Variants in STOX2 observed in about 807,000 individuals in gnomAD.
STOX2 encodes the protein storkhead box 2, also known as storkhead-box protein 2.
STOX2 carries 28 observed loss-of-function variants against 60.9 expected under a neutral mutation model. The ratio of observed to expected loss-of-function variants is 0.46; its 90% confidence interval spans 0.34 to 0.63. STOX2 has a LOEUF of 0.63. Among genes scored for constraint, STOX2 ranks in the 30% least tolerant of loss-of-function variants. STOX2 has a pLI of 0.01. For synonymous variants in STOX2, 472 were observed against 463.9 expected (o/e 1.02, Z -0.22); for missense variants, 1,024 against 1,187.7 (o/e 0.86, Z 2.03).
Position 184,010,828 on chromosome 4 carries a change from G to T in STOX2, c.1990G>T (p.Gly664Cys), listed in dbSNP as rs1258881715. The change falls in exon 3 of 4, where the codon GGC (glycine) becomes TGC (cysteine). Residue 664 changes from glycine (G) to cysteine (C), a missense_variant. Around this residue, in one of 3 missense-constraint regions of STOX2, gnomAD observed 922 missense variants for 1,058.3 expected, o/e 0.87. Transcript: ENST00000308497. The surrounding 1 kb of genome is among the most constrained non-coding windows in gnomAD (Gnocchi z 4.5). Reference sequence around the variant, plus strand: ...GGAGTCACCAAAAGGGCCGGGTGGGGGCCCCGCTGCTTCGGGAGGAGTGGC... The same window carrying T: ...GGAGTCACCAAAAGGGCCGGGTGGGTGCCCCGCTGCTTCGGGAGGAGTGGC... ...KEESPKGPGGGPAASGGVAEG... is the reference protein window; with the variant it reads ...KEESPKGPGGCPAASGGVAEG... 1 of 1,591,322 alleles carries T rather than the reference G, an allele frequency of 6.3e-7. No individual in the cohort carries two copies. Among genetic ancestry groups the T allele is most frequent in the Non-Finnish European group, 8.6e-7 (1 of 1,169,004 alleles).
At chr4:183,988,801 A>G (rs976207600) in intron 1 of STOX2, 1 of 152,728 alleles carries the variant, frequency 6.5e-6, no homozygotes, top group Non-Finnish European at 1.5e-5. Flanking sequence ...GGATGGAGCC[A>G]GTCCAGAAAG....
chr4:184,008,769 G>T (rs1733991725), intron 2 of STOX2, among the ~76,000 whole-genome samples: 1 of 152,128 alleles, frequency 6.6e-6, no homozygotes, highest in Non-Finnish European at 1.5e-5. Flanking sequence ...TGCTTCTCTA[G>T]TTGCTTTTAT....
Position 183,973,937 on chromosome 4 carries a change from T to C in STOX2, c.167-27388T>C, listed in dbSNP as rs60351084. The stretch of plus-strand genomic sequence containing the variant: ...TTAACCCAGGAGGCAGAGGTTGCAG[T>C]GAGCAGAGATTGTGCCACTGCGCTC... On this transcript the variant is annotated intron_variant, in intron 1 of 3. Coordinates refer to ENST00000308497, the MANE Select transcript of STOX2 (RefSeq NM_020225.3). Among the ~76,000 whole-genome samples, 1,301 of 152,340 alleles carry C rather than the reference T, an allele frequency of 8.5e-3. 27 individuals carry two copies. Among genetic ancestry groups the C allele is most frequent in the African/African-American group, 0.03 (1,227 of 41,570 alleles).
chr4:183,905,728 C>T lies in STOX2; in HGVS notation c.-1063C>T, dbSNP rs1160236498. ...AAAATGAGAAGCCTGATGGGAACCG[C>T]GTTCTAACTTAAGGCAGCCTGGTGA... On this transcript the variant is annotated 5_prime_UTR_variant, in exon 1 of 4. Coordinates refer to ENST00000308497, the MANE Select transcript of STOX2 (RefSeq NM_020225.3). 1.3e-5 allele frequency: 2 copies of T among 152,302 alleles called. No individual in the cohort carries two copies. Among genetic ancestry groups the T allele is most frequent in the African/African-American group, 2.4e-5 (1 of 41,466 alleles). The allele number at this position is 152,302 out of a possible 1,614,324, so 9.4% of individuals were successfully genotyped here.
At chr4:183,954,579 C>G (rs372663254) in intron 1 of STOX2, among the ~76,000 whole-genome samples, 1 of 152,076 alleles carries the variant, frequency 6.6e-6, no homozygotes, top group Non-Finnish European at 1.5e-5. Context: ...TGAGCCACCA[C>G]GCCAAGCCCG....
intron 1 of STOX2, among the ~76,000 whole-genome samples, chr4:183,915,550 G>A (rs932935598): frequency 6.6e-6 from 1 of 151,990 alleles, no homozygotes. Context: ...CGGTACCTGC[G>A]AATATGCCCT....
intron 1 of STOX2, among the ~76,000 whole-genome samples, chr4:183,847,205 T>C (rs1335348327): frequency 6.6e-6 from 1 of 152,212 alleles, no homozygotes; most frequent in Non-Finnish European, 1.5e-5. Flanking sequence ...AAGTGAGAGC[T>C]CAGTGCCATC....
chr4:183,999,015 G>A (rs1267355444), intron 1 of STOX2, among the ~76,000 whole-genome samples: 1 of 151,952 alleles, frequency 6.6e-6, no homozygotes, highest in Non-Finnish European at 1.5e-5. Context: ...TTTCACTCTA[G>A]CCTGAGCCAC....
At chr4:183,901,092 A>T (rs990618468), upstream of STOX2, among the ~76,000 whole-genome samples, 1 of 152,148 alleles carries the variant, frequency 6.6e-6, no homozygotes, top group Admixed American at 6.5e-5. Context: ...GCCCCTGGCC[A>T]CCACCATTCT....
At chr4:183,844,734 G>A (rs193040312) in intron 1 of STOX2, among the ~76,000 whole-genome samples, 73 of 150,004 alleles carry the variant, frequency 4.9e-4, no homozygotes, top group Non-Finnish European at 1.0e-3. Context: ...CGTGTAGATT[G>A]GTTTAAATGA....
chr4:183,855,243 T>C (rs1740259134), intron 1 of STOX2, among the ~76,000 whole-genome samples: 1 of 152,236 alleles, frequency 6.6e-6, no homozygotes, highest in Admixed American at 6.5e-5. Context: ...TGAAATTTAA[T>C]TGTGTGTATT....
At chr4:183,962,874 T>C (rs1339866854) in intron 1 of STOX2, among the ~76,000 whole-genome samples, 1 of 152,220 alleles carries the variant, frequency 6.6e-6, no homozygotes, top group East Asian at 1.9e-4. Context: ...CTTTAGAAAT[T>C]CACTGTTTAC....
chr4:183,917,718 T>C (rs562484810), intron 1 of STOX2, among the ~76,000 whole-genome samples: 1 of 152,338 alleles, frequency 6.6e-6, no homozygotes, highest in African/African-American at 2.4e-5. Context: ...ATGGCCATAG[T>C]GTCAAGTGGA....
At chr4:183,801,972 T>G (rs1355046512) in intron 1 of STOX2, among the ~76,000 whole-genome samples, 2 of 152,182 alleles carry the variant, frequency 1.3e-5, no homozygotes, top group Non-Finnish European at 2.9e-5. Flanking sequence ...TTAGAGTGTT[T>G]GCTCTCCTTC....
At position 184,011,207 on chromosome 4, in the gene STOX2, C is replaced by G. The variant is rs768681772; in HGVS notation, c.2369C>G (p.Thr790Arg). 5 of 1,605,808 alleles carry G rather than the reference C, an allele frequency of 3.1e-6. No individual in the cohort carries two copies. In the South Asian group the frequency reaches 4.5e-5, roughly 14 times the overall value. Reference protein sequence around the residue: ...DDSEEGANKNTEEEKNREDVG... With the variant: ...DDSEEGANKNREEEKNREDVG... ...TCTGAGGAAGGGGCAAACAAGAACA[C>G]AGAGGAGGAGAAAAATAGAGAGGAC... Residue 790 changes from threonine (T) to arginine (R), a missense_variant, in exon 3 of 4, where the codon ACA becomes AGA. Around this residue, in one of 3 missense-constraint regions of STOX2, gnomAD observed 922 missense variants for 1,058.3 expected, o/e 0.87. Coordinates refer to ENST00000308497, the MANE Select transcript of STOX2 (RefSeq NM_020225.3). The surrounding 1 kb of genome is among the most constrained non-coding windows in gnomAD (Gnocchi z 4.4).
intron 1 of STOX2, among the ~76,000 whole-genome samples, chr4:183,860,456 A>AAAG (rs910132528): frequency 2.9e-4 from 43 of 149,578 alleles, no homozygotes; most frequent in Non-Finnish European, 5.2e-4. Context: ...AAAAAAAAAA[A>AAAG]AAGAAGAAAA....
chr4:183,823,987 A>G (rs1444327696), intron 1 of STOX2, among the ~76,000 whole-genome samples: 1 of 152,098 alleles, frequency 6.6e-6, no homozygotes, highest in African/African-American at 2.4e-5. Flanking sequence ...ATACGCAGAC[A>G]TGTGTAGCCA....
intron 1 of STOX2, among the ~76,000 whole-genome samples, chr4:183,907,762 A>G (rs1416234174): frequency 6.6e-6 from 1 of 152,208 alleles, no homozygotes; most frequent in Non-Finnish European, 1.5e-5. Flanking sequence ...CAGGGATGAA[A>G]TTCTTGAGGG....
chr4:183,826,180 G>A (rs1358679788), intron 1 of STOX2, among the ~76,000 whole-genome samples: 9 of 152,058 alleles, frequency 5.9e-5, no homozygotes, highest in Non-Finnish European at 7.4e-5. Context: ...CAGTTGATTC[G>A]AGGACCAAGT....
Sources: allele counts gnomAD v4.1 joint callset (sites outside exome capture counted in the v4.1 genomes callset), GRCh38; gene constraint gnomAD v4.1.1; regional missense constraint gnomAD v4.1.1; non-coding constraint Gnocchi (gnomAD v3.1); transcripts MANE v1.5; gene names NCBI Gene and HGNC (gene_info 2026-07-23, HGNC 2026-07-21).